NFAM1: variants seen among roughly 807,000 people sequenced by gnomAD.
NFAM1 encodes the protein NFAT activation molecule 1.
In NFAM1, 17 loss-of-function variants were observed where a neutral mutation model predicts 29.0. The observed-to-expected ratio is 0.59, with a 90% CI of 0.40 to 0.88. The LOEUF (loss-of-function observed/expected upper bound fraction) is 0.88. NFAM1 is among the 40% of genes least tolerant of loss of function. NFAM1 has a pLI of 0.00. For missense variants in NFAM1, 324 were observed against 344.6 expected (o/e 0.94, Z 0.47); for synonymous variants, 175 against 147.2 (o/e 1.19, Z -1.36).
In NFAM1 at chr22:42,399,434, GA is replaced by G. The variant is rs746224137; in HGVS notation, c.565-1479del. ...TGCACTCCAGCCTGGGAGACAGAGC[GA>G]GATCCCATCTCAAAAAAAAAAAAAA... is the stretch of plus-strand genomic sequence containing the variant. On this transcript the variant is annotated intron_variant, in intron 3 of 5. Transcript: ENST00000329021. Among the ~76,000 whole-genome samples, 226 of 136,812 alleles carry G rather than the reference GA, an allele frequency of 1.7e-3. 2 individuals are homozygous for G. The highest frequency in any genetic ancestry group is 2.9e-3 in the Non-Finnish European group (190 of 64,850). 89.8% of individuals were successfully genotyped at this position (136,812 alleles called of 152,430 possible).
At chr22:42,399,168 C>A (rs898004755) in intron 3 of NFAM1, among the ~76,000 whole-genome samples, 2 of 152,046 alleles carry the variant, frequency 1.3e-5, no homozygotes, top group East Asian at 3.9e-4. Context: ...AGGCCAGGCA[C>A]GGTGGCTCAT....
At chr22:42,436,980 C>T (rs558158778), upstream of NFAM1, 157 of 983,802 alleles carry the variant, frequency 1.6e-4, no homozygotes, top group Admixed American at 2.5e-3. Context: ...AGAGGGGACC[C>T]GGGCTTTTCT....
intron 1 of NFAM1, among the ~76,000 whole-genome samples, chr22:42,422,250 C>G (rs1314734169): frequency 6.6e-6 from 1 of 152,116 alleles, no homozygotes; most frequent in Admixed American, 6.5e-5. Context: ...AGGTTTGAAT[C>G]GGGAATAAGC....
At chr22:42,436,267 G>A (rs1930938263), upstream of NFAM1, among the ~76,000 whole-genome samples, 1 of 152,214 alleles carries the variant, frequency 6.6e-6, no homozygotes, top group South Asian at 2.1e-4. Context: ...GCTCCCCGCT[G>A]CGGCTGCGAA....
intron 1 of NFAM1, among the ~76,000 whole-genome samples, chr22:42,418,097 C>G (rs1312284429): frequency 1.3e-5 from 2 of 152,182 alleles, no homozygotes; most frequent in African/African-American, 4.8e-5. Flanking sequence ...TGTGAGGAAG[C>G]CTTGGGCCTG....
chr22:42,385,372 C>A (rs1929101782), intron 5 of NFAM1, 152 bp from the exon 6 acceptor site: 3 of 658,152 alleles, frequency 4.6e-6, no homozygotes, highest in Non-Finnish European at 8.3e-6. Context: ...CCAAGCCCAC[C>A]TCCCCAGCCT....
chr22:42,419,989 GGTTTTTTTTTTTTTTTTTTTTTTT>G lies in NFAM1; in HGVS notation c.122-8277_122-8254del, dbSNP rs1236662704. On this transcript the variant is annotated intron_variant, in intron 1 of 5. Transcript: ENST00000329021. This position sits in a 1 kb window ranked among gnomAD's most constrained non-coding sequence, Gnocchi z 4.5. ...CCTTTGAGTCTGTAATCCCACTCTT[GGTTTTTTTTTTTTTTTTTTTTTTT>G]TTTTTTTTTTTTTCTGAGGCAGAAT... Among the ~76,000 whole-genome samples the G allele has an allele frequency of 6.5e-4, 37 of 56,528 alleles. 3 individuals are homozygous for G. Among genetic ancestry groups the G allele is most frequent in the African/African-American group, 1.8e-3 (24 of 13,500 alleles). 37.1% of individuals were successfully genotyped at this position (56,528 alleles called of 152,430 possible).
Position 42,387,988 on chromosome 22 carries a change from C to A in NFAM1, c.664-910G>T, listed in dbSNP as rs574157646. On this transcript the variant is annotated intron_variant, in intron 4 of 5. Transcript: ENST00000329021. Reference sequence around the variant, plus strand: ...GATGGGAACCCCTTGAGGGCAGGGACCATGCCTAGTCTATCTCTGGGTTTC... The same window carrying A: ...GATGGGAACCCCTTGAGGGCAGGGAACATGCCTAGTCTATCTCTGGGTTTC... Among the ~76,000 whole-genome samples the A allele has an allele frequency of 9.8e-5, 15 of 152,326 alleles. No individual in the cohort carries two copies. In the South Asian group the frequency reaches 2.9e-3, roughly 29 times the overall value.
At chr22:42,410,960 T>C (rs1031970974) in intron 2 of NFAM1, among the ~76,000 whole-genome samples, 33 of 151,748 alleles carry the variant, frequency 2.2e-4, no homozygotes, top group African/African-American at 7.7e-4. Context: ...CTGAAGTGGG[T>C]CTGCCTGCTT....
chr22:42,404,716 G>A lies in NFAM1; in HGVS notation c.564+4719C>T, dbSNP rs543370948. 4.3e-4 allele frequency among the ~76,000 whole-genome samples: 66 copies of A among 152,182 alleles called. 1 individual carries two copies. In the South Asian group the frequency reaches 0.012, roughly 28 times the overall value. On this transcript the variant is annotated intron_variant, in intron 3 of 5. Transcript: ENST00000329021. ...ACTAAAAATACAAAATTAGCCAGGC[G>A]TGGTATCGCACGTCTGTAATCCCAG...
intron 4 of NFAM1, among the ~76,000 whole-genome samples, chr22:42,397,556 C>T (rs754412058): frequency 6.6e-6 from 1 of 152,156 alleles, no homozygotes; most frequent in Middle Eastern, 3.2e-3. Context: ...CTTCATTCTT[C>T]GCCAACTTGT....
intron 1 of NFAM1, among the ~76,000 whole-genome samples, chr22:42,416,391 T>C (rs1930260914): frequency 6.6e-6 from 1 of 151,954 alleles, no homozygotes; most frequent in South Asian, 2.1e-4. Context: ...CCCCAGTTGG[T>C]CTGGCTGTGT....
At chr22:42,391,945 CAAAAAAAAA>C (rs58006775) in intron 4 of NFAM1, among the ~76,000 whole-genome samples, 8 of 68,950 alleles carry the variant, frequency 1.2e-4, no homozygotes, top group Non-Finnish European at 2.3e-4. Context: ...GACTCTGTCT[CAAAAAAAAA>C]AAAAAAAAAA....
chr22:42,427,610 C>A (rs1196487785), intron 1 of NFAM1, among the ~76,000 whole-genome samples: 1 of 152,156 alleles, frequency 6.6e-6, no homozygotes, highest in Non-Finnish European at 1.5e-5. Context: ...AGGCAGTGGG[C>A]TGGGTTTAGC....
chr22:42,426,156 T>C (rs964777865), intron 1 of NFAM1, among the ~76,000 whole-genome samples: 2 of 151,940 alleles, frequency 1.3e-5, no homozygotes, highest in Non-Finnish European at 1.5e-5. Flanking sequence ...GGAGTGGCCA[T>C]AAGGAGCAGG....
At position 42,419,989 on chromosome 22, in the gene NFAM1, GGTTTTTTTTTTTT is replaced by G. The variant is rs1930384598; in HGVS notation, c.122-8266_122-8254del. ...CCTTTGAGTCTGTAATCCCACTCTTGGTTTTTTTTTTTTTTTTTTTTTTTTTTTTTTTTTTTTC... is the reference window on the plus strand; with the variant it reads ...CCTTTGAGTCTGTAATCCCACTCTTGTTTTTTTTTTTTTTTTTTTTTTTTC... On this transcript the variant is annotated intron_variant, in intron 1 of 5. Coordinates refer to ENST00000329021, the MANE Select transcript of NFAM1 (RefSeq NM_145912.8). This position sits in a 1 kb window ranked among gnomAD's most constrained non-coding sequence, Gnocchi z 4.5. Among the ~76,000 whole-genome samples, 6 of 56,550 alleles carry G rather than the reference GGTTTTTTTTTTTT, an allele frequency of 1.1e-4. No individual in the cohort carries two copies. Among genetic ancestry groups the G allele is most frequent in the African/African-American group, 1.5e-4 (2 of 13,480 alleles). The allele number at this position is 56,550 out of a possible 152,430, so 37.1% of individuals were successfully genotyped here.
chr22:42,385,083 T>A lies in NFAM1; in HGVS notation c.*78A>T. ...TGTCCCTGGGGGCCTTACTCCCAAC[T>A]CAGATCAAGTCCTTTGGTGGCAGGG... On this transcript the variant is annotated 3_prime_UTR_variant, in exon 6 of 6. Coordinates refer to ENST00000329021, the MANE Select transcript of NFAM1 (RefSeq NM_145912.8). The A allele has an allele frequency of 9.1e-7, 1 of 1,093,312 alleles. No homozygotes were observed. The highest frequency in any genetic ancestry group is 1.2e-5 in the South Asian group (1 of 80,674). The allele number at this position is 1,093,312 out of a possible 1,614,324, so 67.7% of individuals were successfully genotyped here.
chr22:42,412,596 T>C (rs912140517), intron 1 of NFAM1, among the ~76,000 whole-genome samples: 3 of 152,038 alleles, frequency 2.0e-5, no homozygotes, highest in Admixed American at 1.3e-4. Flanking sequence ...AAGCTGGTGA[T>C]GGATGAGAAA....
At position 42,409,695 on chromosome 22, in the gene NFAM1, G is replaced by A. The variant is rs1930017642; in HGVS notation, c.452-148C>T. ...CCCCACTAGGCCCCCTGGGAGCCAG[G>A]GTTCGGGCCTTCATTGTCCCCTCAC... is the stretch of plus-strand genomic sequence containing the variant. On this transcript the variant is annotated intron_variant, in intron 2 of 5. Transcript: ENST00000329021. This position sits in a 1 kb window ranked among gnomAD's most constrained non-coding sequence, Gnocchi z 4.9. 9.7e-6 allele frequency: 4 copies of A among 414,336 alleles called. No homozygotes were observed. Among genetic ancestry groups the A allele is most frequent in the Admixed American group, 4.4e-5 (1 of 22,784 alleles). 25.7% of individuals were successfully genotyped at this position (414,336 alleles called of 1,614,324 possible).
Sources: allele counts gnomAD v4.1 joint callset (sites outside exome capture counted in the v4.1 genomes callset), GRCh38; gene constraint gnomAD v4.1.1; non-coding constraint Gnocchi (gnomAD v3.1); transcripts MANE v1.5; gene names NCBI Gene and HGNC (gene_info 2026-07-23, HGNC 2026-07-21).